TMTC2: variants seen among roughly 807,000 people sequenced by gnomAD.
TMTC2 encodes transmembrane O-mannosyltransferase targeting cadherins 2.
A neutral mutation model predicts 82.4 loss-of-function variants in TMTC2; 43 were observed. The observed-to-expected ratio is 0.52, with a 90% CI of 0.41 to 0.67. The LOEUF (loss-of-function observed/expected upper bound fraction) is 0.67, where lower values mean the gene tolerates loss of function less well. Ranked by LOEUF, TMTC2 falls within the 30% of genes least tolerant of loss-of-function variation. The pLI is 0.00. For synonymous variants in TMTC2, 408 were observed against 381.9 expected (o/e 1.07, Z -0.80); for missense variants, 919 against 1,012.4 (o/e 0.91, Z 1.25).
At chr12:83,120,822 A>G (rs1176570794) in intron 11 of TMTC2, among the ~76,000 whole-genome samples, 1 of 152,208 alleles carries the variant, frequency 6.6e-6, no homozygotes, top group Non-Finnish European at 1.5e-5. Flanking sequence ...CCATAATCCC[A>G]GACTTCTTGG....
chr12:82,932,359 C>T (rs1008160781), intron 4 of TMTC2, among the ~76,000 whole-genome samples: 7 of 151,926 alleles, frequency 4.6e-5, no homozygotes, highest in Admixed American at 6.6e-5. Context: ...TTCTTTGTCA[C>T]CTGGAATTCT....
At chr12:83,069,185 G>T (rs550500162) in intron 11 of TMTC2, among the ~76,000 whole-genome samples, 1 of 152,090 alleles carries the variant, frequency 6.6e-6, no homozygotes, top group African/African-American at 2.4e-5. Flanking sequence ...TTCAGATAAT[G>T]ATTTATTTTA....
At chr12:82,743,476 A>G in intron 1 of TMTC2, among the ~76,000 whole-genome samples, 1 of 151,718 alleles carries the variant, frequency 6.6e-6, no homozygotes, top group East Asian at 1.9e-4. Flanking sequence ...AAGCAGATAT[A>G]TGGCTTTTAG....
rs552265226 is a variant in TMTC2 at position 82,988,123 on chromosome 12, C to CT, written c.2070+2078dup. The stretch of plus-strand genomic sequence containing the variant: ...TTGGTGATGATGTGGGCAAATCAGA[C>CT]TAAGCTTTTAATGAATAAAATATTA... On this transcript the variant is annotated intron_variant, in intron 8 of 11. Transcript: ENST00000321196. Among the ~76,000 whole-genome samples, 18 of 152,168 alleles carry CT rather than the reference C, an allele frequency of 1.2e-4. No individual in the cohort carries two copies. In the South Asian group the frequency reaches 3.7e-3, roughly 32 times the overall value.
intron 8 of TMTC2, among the ~76,000 whole-genome samples, chr12:82,987,859 G>T (rs964894975): frequency 1.3e-5 from 2 of 152,028 alleles, no homozygotes; most frequent in South Asian, 4.1e-4. Context: ...TCTCAGAATG[G>T]GATCTGGATG....
At chr12:83,050,864 A>AT in intron 9 of TMTC2, 40 bp from the exon 10 acceptor site, 1 of 1,412,350 alleles carries the variant, frequency 7.1e-7, no homozygotes, top group Non-Finnish European at 9.9e-7. Flanking sequence ...GTTTCATGGG[A>AT]TTTTCTGAGT....
chr12:83,081,088 C>T (rs1883449995), intron 11 of TMTC2, among the ~76,000 whole-genome samples: 1 of 152,140 alleles, frequency 6.6e-6, no homozygotes, highest in African/African-American at 2.4e-5. Context: ...ATTGTTACAT[C>T]ATTTTTATGA....
intron 2 of TMTC2, among the ~76,000 whole-genome samples, chr12:82,864,999 G>C (rs1871764352): frequency 6.8e-6 from 1 of 146,864 alleles, no homozygotes; most frequent in Non-Finnish European, 1.5e-5. Context: ...CAGATCACGA[G>C]ATCAGGAGTT....
At chr12:82,735,829 TA>T (rs1020597202) in intron 1 of TMTC2, among the ~76,000 whole-genome samples, 2 of 151,500 alleles carry the variant, frequency 1.3e-5, no homozygotes, top group Non-Finnish European at 2.9e-5. Context: ...AAATAAAAAA[TA>T]AAAAAATTAG....
intron 3 of TMTC2, among the ~76,000 whole-genome samples, chr12:82,924,106 T>C (rs1210272210): frequency 1.3e-5 from 2 of 152,220 alleles, no homozygotes; most frequent in African/African-American, 4.8e-5. Flanking sequence ...TGAAATCCTC[T>C]GTCAATGCCC....
At chr12:82,994,308 C>A (rs1045990041) in intron 8 of TMTC2, among the ~76,000 whole-genome samples, 1 of 152,096 alleles carries the variant, frequency 6.6e-6, no homozygotes, top group African/African-American at 2.4e-5. Context: ...TGCCCGCTAC[C>A]GGGCCCGGAT....
intron 8 of TMTC2, among the ~76,000 whole-genome samples, chr12:83,002,036 G>A (rs1879951404): frequency 1.3e-5 from 2 of 152,136 alleles, no homozygotes; most frequent in Admixed American, 1.3e-4. Flanking sequence ...AGTTTTTTGG[G>A]ATAGATTCAG....
chr12:83,083,429 C>T (rs1476856570), intron 11 of TMTC2, among the ~76,000 whole-genome samples: 1 of 152,158 alleles, frequency 6.6e-6, no homozygotes. Context: ...GCATCCCCAG[C>T]ACTCCCTCTC....
intron 1 of TMTC2, among the ~76,000 whole-genome samples, chr12:82,720,383 T>G (rs985255450): frequency 6.6e-6 from 1 of 152,230 alleles, no homozygotes; most frequent in African/African-American, 2.4e-5. Flanking sequence ...TGTTGTAGCA[T>G]GCATCAGTAG....
At chr12:82,739,410 C>A (rs1381731029) in intron 1 of TMTC2, among the ~76,000 whole-genome samples, 1 of 151,986 alleles carries the variant, frequency 6.6e-6, no homozygotes, top group Admixed American at 6.6e-5. Flanking sequence ...GCTGTTGTTT[C>A]TTTTCCTGTT....
At chr12:82,704,804 T>G (rs1351497979) in intron 1 of TMTC2, among the ~76,000 whole-genome samples, 1 of 152,080 alleles carries the variant, frequency 6.6e-6, no homozygotes, top group African/African-American at 2.4e-5. Context: ...AAAAAGGAGA[T>G]GTATGGAAAT....
intron 11 of TMTC2, among the ~76,000 whole-genome samples, chr12:83,063,499 G>C (rs1299229717): frequency 6.6e-6 from 1 of 151,836 alleles, no homozygotes; most frequent in Non-Finnish European, 1.5e-5. Context: ...TAAGCACTGT[G>C]CTAAGTACTT....
intron 1 of TMTC2, among the ~76,000 whole-genome samples, chr12:82,822,487 A>G (rs1297017248): frequency 6.6e-6 from 1 of 152,142 alleles, no homozygotes. Context: ...TTTTAAAAAG[A>G]ATACTCTTAT....
intron 9 of TMTC2, among the ~76,000 whole-genome samples, chr12:83,046,148 C>T (rs139514335): frequency 6.8e-4 from 104 of 152,268 alleles, no homozygotes; most frequent in African/African-American, 2.3e-3. Context: ...TCATTCTTCT[C>T]AGGAGGCAAG....
Sources: allele counts gnomAD v4.1 joint callset (sites outside exome capture counted in the v4.1 genomes callset), GRCh38; gene constraint gnomAD v4.1.1; transcripts MANE v1.5; gene names NCBI Gene and HGNC (gene_info 2026-07-23, HGNC 2026-07-21).